Variants in ZC3H7B observed in about 807,000 individuals in gnomAD.
ZC3H7B encodes the protein zinc finger CCCH domain-containing protein 7B.
Under a neutral mutation model 116.0 loss-of-function variants are expected in ZC3H7B, and 35 were observed. The ratio of observed to expected loss-of-function variants is 0.30; its 90% CI spans 0.23 to 0.40. The LOEUF is 0.40. Ranked by LOEUF, ZC3H7B falls within the 10% of genes least tolerant of loss-of-function variation. The pLI is 1.00. For missense variants in ZC3H7B, 1,011 were observed against 1,321.5 expected (o/e 0.77, Z 3.64); for synonymous variants, 502 against 545.6 (o/e 0.92, Z 1.11).
rs1196621006 is a variant in ZC3H7B, at chr22:41,355,750, C to A, written c.2169-7C>A. The A allele has an allele frequency of 6.2e-7, 1 of 1,613,840 alleles. No homozygotes were observed. The highest frequency in any genetic ancestry group is 8.5e-7 in the Non-Finnish European group (1 of 1,180,004). On this transcript the variant is annotated splice_polypyrimidine_tract_variant and splice_region_variant and intron_variant, in intron 18 of 22. Coordinates refer to ENST00000352645, the MANE Select transcript of ZC3H7B (RefSeq NM_017590.6). ...TGACCTCTCCCCAACCCTGCTCTGT[C>A]CTGCAGCTGGACCAAGGAGCGGCGG... is the stretch of plus-strand genomic sequence containing the variant.
At chr22:41,313,879 T>TGGG (rs1367002379) in intron 1 of ZC3H7B, among the ~76,000 whole-genome samples, 1 of 151,494 alleles carries the variant, frequency 6.6e-6, no homozygotes, top group East Asian at 1.9e-4. Flanking sequence ...CCCAAGTAGC[T>TGGG]GGGACTACAG....
intron 1 of ZC3H7B, among the ~76,000 whole-genome samples, chr22:41,308,462 G>A (rs552234098): frequency 4.3e-4 from 66 of 152,190 alleles, no homozygotes; most frequent in African/African-American, 1.5e-3. Context: ...TGAAACGGCC[G>A]TACTGATCCT....
chr22:41,303,035 A>G lies in ZC3H7B; in HGVS notation c.-7+1263A>G, dbSNP rs115924225. On this transcript the variant is annotated intron_variant, in intron 1 of 22. Transcript: ENST00000352645. ...CAAATGAGATAATTATAGTACATGTAGCAACTGTGTTGGACACAAAATGCT... is the reference window on the plus strand; with the variant it reads ...CAAATGAGATAATTATAGTACATGTGGCAACTGTGTTGGACACAAAATGCT... Among the ~76,000 whole-genome samples, 533 of 152,362 alleles carry G rather than the reference A, an allele frequency of 3.5e-3. 4 individuals carry two copies. Among genetic ancestry groups the G allele is most frequent in the African/African-American group, 0.012 (510 of 41,588 alleles).
Position 41,351,621 on chromosome 22 carries a change from A to C in ZC3H7B, c.2009A>C (p.His670Pro). 1.2e-6 allele frequency: 2 copies of C among 1,613,992 alleles called. No homozygotes were observed. The highest frequency in any genetic ancestry group is 1.1e-5 in the South Asian group (1 of 91,062). Reference sequence around the variant, plus strand: ...AAGTACTGGCAGCAGATGGAGGCGCATGCGGGGAAGGCCAGCAGCAGCATG... The same window carrying C: ...AAGTACTGGCAGCAGATGGAGGCGCCTGCGGGGAAGGCCAGCAGCAGCATG... The part of the protein sequence containing the change: ...SKKYWQQMEA[H>P]AGKASSSMGA... Residue 670 changes from histidine to proline, a missense_variant, in exon 17 of 23, where the codon CAT becomes CCT. Physicochemically the swap from His to Pro is moderately conservative, Grantham distance 77. This residue lies in a region of ZC3H7B where 406 missense variants were observed against 590.2 expected (regional missense o/e 0.69). Transcript: ENST00000352645. This position sits in a 1 kb window ranked among gnomAD's most constrained non-coding sequence, Gnocchi z 5.1.
intron 17 of ZC3H7B, 147 bp from the exon 18 acceptor site, chr22:41,355,322 G>A: frequency 8.7e-7 from 1 of 1,148,328 alleles, no homozygotes; most frequent in Non-Finnish European, 1.2e-6. Context: ...CCTTGGGCCT[G>A]CAGTTGGGAG....
At chr22:41,356,181 C>G in intron 20 of ZC3H7B, 119 bp downstream of exon 20, 1 of 1,452,192 alleles carries the variant, frequency 6.9e-7, no homozygotes, top group African/African-American at 1.4e-5. Flanking sequence ...GGGCCCTTCT[C>G]CACCTGCCCC....
At chr22:41,348,787 A>G (rs993873289) in intron 15 of ZC3H7B, among the ~76,000 whole-genome samples, 1 of 152,202 alleles carries the variant, frequency 6.6e-6, no homozygotes, top group Non-Finnish European at 1.5e-5. Flanking sequence ...CTCCTGGCCC[A>G]GAGGACATGC....
rs949792993 is a variant in ZC3H7B at position 41,305,521 on chromosome 22, A to T, written c.-7+3749A>T. On this transcript the variant is annotated intron_variant, in intron 1 of 22. Coordinates refer to ENST00000352645, the MANE Select transcript of ZC3H7B (RefSeq NM_017590.6). ...TGAAACTCTGTCTCAAAAAAACAAA[A>T]ATGGAGACTGGATGGTCTGAATTAG... 3.9e-5 allele frequency among the ~76,000 whole-genome samples: 6 copies of T among 152,048 alleles called. No individual in the cohort carries two copies. In the South Asian group the frequency reaches 1.2e-3, roughly 32 times the overall value.
chr22:41,322,733 T>G (rs765522223), intron 2 of ZC3H7B, among the ~76,000 whole-genome samples: 21 of 152,186 alleles, frequency 1.4e-4, no homozygotes, highest in Non-Finnish European at 2.5e-4. Context: ...AAACTGGAAT[T>G]CGCCTCTATG....
Position 41,351,714 on chromosome 22 carries a change from G to A in ZC3H7B, c.2034+68G>A. ...TTGTCCCCAAATTACAAACAGGAAGGCTCTAATTTTACAATAGAGAAATGT... is the reference window on the plus strand; with the variant it reads ...TTGTCCCCAAATTACAAACAGGAAGACTCTAATTTTACAATAGAGAAATGT... On this transcript the variant is annotated intron_variant, in intron 17 of 22. Coordinates refer to ENST00000352645, the MANE Select transcript of ZC3H7B (RefSeq NM_017590.6). This position sits in a 1 kb window ranked among gnomAD's most constrained non-coding sequence, Gnocchi z 5.1. 2.0e-6 allele frequency: 3 copies of A among 1,478,152 alleles called. No homozygotes were observed. The highest frequency in any genetic ancestry group is 2.8e-6 in the Non-Finnish European group (3 of 1,082,174). 91.6% of individuals were successfully genotyped at this position (1,478,152 alleles called of 1,614,324 possible).
At chr22:41,316,190 T>C (rs1329595922) in intron 1 of ZC3H7B, among the ~76,000 whole-genome samples, 1 of 151,984 alleles carries the variant, frequency 6.6e-6, no homozygotes, top group Non-Finnish European at 1.5e-5. Context: ...ATGGGGTTTC[T>C]CCATGTTGGT....
At position 41,357,103 on chromosome 22, in the gene ZC3H7B, C is replaced by T. The variant is rs899091527; in HGVS notation, c.2682-74C>T. On this transcript the variant is annotated intron_variant, in intron 22 of 22. Transcript: ENST00000352645. This position sits in a 1 kb window ranked among gnomAD's most constrained non-coding sequence, Gnocchi z 5.4. ...GAGGCTTGTCTTCGGGGAGGTCAAG[C>T]GGCCGGCCCCAGATGGACAGCCTGG... 166 of 1,563,406 alleles carry T rather than the reference C, an allele frequency of 1.1e-4. No homozygotes were observed. Among genetic ancestry groups the T allele is most frequent in the Non-Finnish European group, 6.8e-5 (79 of 1,159,088 alleles).
rs1318042885 is a variant in ZC3H7B, at chr22:41,356,807, AG to A, written c.2681+1del. The part of the protein sequence containing the change: ...FPMGEFRLCD[R>X]LQKGKACPDG... The stretch of plus-strand genomic sequence containing the variant: ...CATGGGCGAGTTCCGGCTCTGCGAC[AG>A]GTGCTCCTGGGAGGGCAGGGCCTGG... On this transcript the variant is annotated frameshift_variant and splice_region_variant, in exon 22 of 23. Coordinates refer to ENST00000352645, the MANE Select transcript of ZC3H7B (RefSeq NM_017590.6). LOFTEE classifies it high-confidence loss of function. The A allele has an allele frequency of 3.1e-6, 5 of 1,613,174 alleles. No individual in the cohort carries two copies.
intron 13 of ZC3H7B, among the ~76,000 whole-genome samples, chr22:41,343,828 C>T (rs1314116008): frequency 6.6e-6 from 1 of 152,168 alleles, no homozygotes; most frequent in African/African-American, 2.4e-5. Context: ...AGACCGAGCC[C>T]GTCACTGGCC....
At chr22:41,345,924 A>G (rs892541783) in intron 13 of ZC3H7B, 79 bp from the exon 14 acceptor site, 11 of 1,463,256 alleles carry the variant, frequency 7.5e-6, no homozygotes, top group Non-Finnish European at 1.0e-5. Context: ...AGAGCCCCAC[A>G]GGCCGCAGCG....
At chr22:41,329,983 G>T in intron 5 of ZC3H7B, 40 bp from the exon 6 acceptor site, 1 of 1,608,092 alleles carries the variant, frequency 6.2e-7, no homozygotes, top group South Asian at 1.1e-5. Context: ...TTGTGAGCCC[G>T]GGCAGACTGA....
chr22:41,348,492 A>C (rs1048709182), intron 15 of ZC3H7B, among the ~76,000 whole-genome samples: 1 of 152,238 alleles, frequency 6.6e-6, no homozygotes, highest in East Asian at 1.9e-4. Context: ...CTCAGCAGAC[A>C]GCAAGCGGGG....
At chr22:41,350,345 A>G (rs1025617091) in intron 16 of ZC3H7B, among the ~76,000 whole-genome samples, 2 of 152,086 alleles carry the variant, frequency 1.3e-5, no homozygotes, top group Non-Finnish European at 2.9e-5. Flanking sequence ...TCTAAATATG[A>G]TTTACAGTGT....
chr22:41,347,741 C>G (rs992218938), intron 14 of ZC3H7B, among the ~76,000 whole-genome samples: 3 of 152,188 alleles, frequency 2.0e-5, no homozygotes, highest in African/African-American at 7.2e-5. Flanking sequence ...TAGTTCATAG[C>G]CAGGTGACAG....
Sources: allele counts gnomAD v4.1 joint callset (sites outside exome capture counted in the v4.1 genomes callset), GRCh38; gene constraint gnomAD v4.1.1; regional missense constraint gnomAD v4.1.1; non-coding constraint Gnocchi (gnomAD v3.1); transcripts MANE v1.5; gene names NCBI Gene and HGNC (gene_info 2026-07-23, HGNC 2026-07-21).